Variants in AP3B1 observed in about 807,000 individuals in gnomAD.
AP3B1 encodes the protein AP-3 complex subunit beta-1.
In AP3B1, 61 loss-of-function variants were observed where a neutral mutation model predicts 132.5. That is an observed-to-expected ratio of 0.46 (90% CI 0.37 to 0.57). The LOEUF is 0.57. Ranked by LOEUF, AP3B1 falls within the 20% of genes least tolerant of loss-of-function variation. AP3B1 has a pLI of 0.00. For missense variants in AP3B1, 1,120 were observed against 1,289.4 expected (o/e 0.87, Z 2.01); for synonymous variants, 388 against 438.3 (o/e 0.89, Z 1.43).
rs1215022059 is a variant in AP3B1, at chr5:78,097,117, C to G, written c.2470+3836G>C. On this transcript the variant is annotated intron_variant, in intron 21 of 26. Coordinates refer to ENST00000255194, the MANE Select transcript of AP3B1 (RefSeq NM_003664.5). ...CCCGTCCGGGAGGGAGGTAGGGGGT[C>G]AGCCCCCCACCCGGCCAGCCGCCCC... Among the ~76,000 whole-genome samples, 40 of 121,364 alleles carry G rather than the reference C, an allele frequency of 3.3e-4. 1 individual carries two copies. Among genetic ancestry groups the G allele is most frequent in the Middle Eastern group, 9.1e-3 (1 of 110 alleles). The allele number at this position is 121,364 out of a possible 152,430, so 79.6% of individuals were successfully genotyped here. A position where few individuals can be genotyped will look rare whatever the true frequency, so the allele number is the denominator to read the frequency against.
At chr5:78,272,073 A>G (rs1748569030) in intron 1 of AP3B1, among the ~76,000 whole-genome samples, 1 of 152,218 alleles carries the variant, frequency 6.6e-6, no homozygotes, top group African/African-American at 2.4e-5. Flanking sequence ...AGACTTCATA[A>G]GAATCTTGGT....
intron 2 of AP3B1, among the ~76,000 whole-genome samples, chr5:78,263,812 G>A (rs1030743080): frequency 3.3e-5 from 5 of 152,094 alleles, no homozygotes; most frequent in African/African-American, 9.7e-5. Flanking sequence ...TGAATTTTGT[G>A]TTATTTTTAA....
chr5:78,090,623 A>G (rs12109000), intron 21 of AP3B1, among the ~76,000 whole-genome samples: 2,275 of 152,342 alleles, frequency 0.015, 53 homozygotes, highest in African/African-American at 0.051. Context: ...CTCATGTAAT[A>G]CAAATTTGTG....
chr5:78,130,966 AAGTT>A (rs1269343704), intron 15 of AP3B1, among the ~76,000 whole-genome samples: 1 of 151,910 alleles, frequency 6.6e-6, no homozygotes, highest in East Asian at 1.9e-4. Flanking sequence ...ACAATTTTGA[AAGTT>A]AGGTAGGGCA....
At chr5:78,237,691 T>A (rs1580527810) in intron 3 of AP3B1, among the ~76,000 whole-genome samples, 1 of 152,170 alleles carries the variant, frequency 6.6e-6, no homozygotes, top group East Asian at 1.9e-4. Flanking sequence ...CACAAGCCTG[T>A]AATCCCAGCT....
intron 26 of AP3B1, among the ~76,000 whole-genome samples, chr5:78,010,613 T>G (rs1746581852): frequency 6.6e-6 from 1 of 152,166 alleles, no homozygotes; most frequent in African/African-American, 2.4e-5. Context: ...CAAACCTCCT[T>G]CCTAAACCCT....
intron 22 of AP3B1, among the ~76,000 whole-genome samples, chr5:78,074,736 G>A (rs1276577180): frequency 6.6e-6 from 1 of 152,180 alleles, no homozygotes; most frequent in African/African-American, 2.4e-5. Context: ...ATCACCTGAG[G>A]TTAGGAGTTC....
At chr5:78,132,085 T>A (rs1752711894) in intron 15 of AP3B1, among the ~76,000 whole-genome samples, 1 of 152,176 alleles carries the variant, frequency 6.6e-6, no homozygotes, top group Admixed American at 6.5e-5. Context: ...TTTTTCAACA[T>A]CAGTTTCATC....
At chr5:78,134,105 C>A (rs1374495309) in intron 15 of AP3B1, among the ~76,000 whole-genome samples, 1 of 145,676 alleles carries the variant, frequency 6.9e-6, no homozygotes, top group African/African-American at 2.6e-5. Context: ...GAGCCGAGAT[C>A]GCGCCACTGC....
chr5:78,074,714 TG>T (rs996609456), intron 22 of AP3B1, among the ~76,000 whole-genome samples: 5 of 152,136 alleles, frequency 3.3e-5, no homozygotes, highest in Non-Finnish European at 5.9e-5. Context: ...TTTGGGAGGC[TG>T]AGACAGGTGG....
intron 15 of AP3B1, among the ~76,000 whole-genome samples, chr5:78,139,882 T>C (rs1753072421): frequency 1.3e-5 from 2 of 151,366 alleles, no homozygotes; most frequent in South Asian, 4.2e-4. Context: ...GGATGAAGGA[T>C]GTCAGAGAGA....
intron 3 of AP3B1, among the ~76,000 whole-genome samples, chr5:78,231,979 T>C (rs1229178620): frequency 6.6e-6 from 1 of 152,168 alleles, no homozygotes; most frequent in Non-Finnish European, 1.5e-5. Context: ...ATCTATACAA[T>C]AAAATGTTAA....
chr5:78,119,439 T>A (rs1561420054), intron 17 of AP3B1, among the ~76,000 whole-genome samples: 1 of 151,438 alleles, frequency 6.6e-6, no homozygotes, highest in African/African-American at 2.4e-5. Context: ...TTAAAAACTT[T>A]AAAAAAAAAT....
chr5:78,090,867 AGCGGT>A (rs147781067), intron 21 of AP3B1, among the ~76,000 whole-genome samples: 1,528 of 152,194 alleles, frequency 0.01, 26 homozygotes, highest in African/African-American at 0.035. Flanking sequence ...GCTGGAGTAA[AGCGGT>A]GCAATCCCTT....
At chr5:78,104,222 T>G (rs1751242583) in intron 20 of AP3B1, among the ~76,000 whole-genome samples, 1 of 152,112 alleles carries the variant, frequency 6.6e-6, no homozygotes, top group Non-Finnish European at 1.5e-5. Flanking sequence ...TTCCTTCAAG[T>G]TAACTGACAA....
chr5:78,214,861 T>G (rs775749211), intron 7 of AP3B1, among the ~76,000 whole-genome samples: 8 of 152,158 alleles, frequency 5.3e-5, no homozygotes, highest in Non-Finnish European at 8.8e-5. Flanking sequence ...AACATAAGAC[T>G]TACATATTAA....
At chr5:78,170,821 C>G (rs1192501694) in intron 11 of AP3B1, among the ~76,000 whole-genome samples, 1 of 152,094 alleles carries the variant, frequency 6.6e-6, no homozygotes, top group South Asian at 2.1e-4. Context: ...CCTATGTCCT[C>G]AATGGTATTC....
intron 2 of AP3B1, among the ~76,000 whole-genome samples, chr5:78,253,881 G>A (rs1202854771): frequency 6.6e-6 from 1 of 151,072 alleles, no homozygotes; most frequent in East Asian, 2.0e-4. Flanking sequence ...GCAGGAGAAT[G>A]GCATGAACCC....
At chr5:78,115,029 AG>A (rs757225446) in intron 18 of AP3B1, among the ~76,000 whole-genome samples, 1 of 152,248 alleles carries the variant, frequency 6.6e-6, no homozygotes, top group Non-Finnish European at 1.5e-5. Flanking sequence ...AGAACACAAC[AG>A]GGTCTGCCAC....
Sources: gnomAD v4.1 joint callset for allele counts (sites outside exome capture counted in the v4.1 genomes callset) on GRCh38, gnomAD v4.1.1 for gene constraint, MANE v1.5 for transcripts, NCBI Gene and HGNC (gene_info 2026-07-23, HGNC 2026-07-21) for gene names.